TJP2: variants seen among roughly 807,000 people sequenced by gnomAD.
The protein encoded by TJP2 is Friedreich ataxia region gene X104 (tight junction protein ZO-2).
TJP2 carries 91 observed loss-of-function variants against 133.1 expected under a neutral mutation model. The observed-to-expected ratio is 0.68, with a 90% CI of 0.58 to 0.81. The LOEUF (loss-of-function observed/expected upper bound fraction) is 0.81, where lower values mean the gene tolerates loss of function less well. Among genes scored for constraint, TJP2 ranks in the 40% least tolerant of loss-of-function variants. TJP2 has a pLI of 0.00. For missense variants in TJP2, 1,541 were observed against 1,565.6 expected (o/e 0.98, Z 0.26); for synonymous variants, 592 against 583.4 (o/e 1.01, Z -0.21).
chr9:69,136,096 A>T (rs75773321), intron 1 of TJP2, among the ~76,000 whole-genome samples: 5 of 152,240 alleles, frequency 3.3e-5, no homozygotes, highest in Non-Finnish European at 2.9e-5. Flanking sequence ...CTTGATGTCA[A>T]TTCAAATTTG....
At chr9:69,130,771 C>T (rs7029627) in intron 1 of TJP2, among the ~76,000 whole-genome samples, 69,361 of 151,724 alleles carry the variant, frequency 0.46, 15,996 homozygotes, top group East Asian at 0.61. Flanking sequence ...GGGGTGGCTG[C>T]GAGGAAGAAC....
chr9:69,182,750 C>G (rs1452186748), intron 1 of TJP2, among the ~76,000 whole-genome samples: 1 of 150,846 alleles, frequency 6.6e-6, no homozygotes, highest in Non-Finnish European at 1.5e-5. Flanking sequence ...TATACATATA[C>G]ACACACACAA....
intron 4 of TJP2, among the ~76,000 whole-genome samples, chr9:69,219,072 C>G (rs1045351071): frequency 6.6e-6 from 1 of 151,650 alleles, no homozygotes; most frequent in African/African-American, 2.4e-5. Context: ...TGGGTTCAAG[C>G]GATTCTCCTG....
At chr9:69,220,238 T>C (rs1828712776) in intron 4 of TJP2, among the ~76,000 whole-genome samples, 1 of 152,234 alleles carries the variant, frequency 6.6e-6, no homozygotes, top group South Asian at 2.1e-4. Context: ...TATGTGTGAT[T>C]AATTTAATAC....
intron 3 of TJP2, among the ~76,000 whole-genome samples, chr9:69,218,006 G>C (rs1256584805): frequency 6.6e-6 from 1 of 152,120 alleles, no homozygotes; most frequent in Non-Finnish European, 1.5e-5. Context: ...GTGATGCTGT[G>C]GTTTGGGGAG....
rs199605381 is a variant in TJP2 at position 69,236,977 on chromosome 9, G to A, written c.2020G>A (p.Ala674Thr). The A allele has an allele frequency of 6.2e-7, 1 of 1,614,190 alleles. No homozygotes were observed. Among genetic ancestry groups the A allele is most frequent in the African/African-American group, 1.3e-5 (1 of 75,058 alleles). The change falls in exon 14 of 23, where the codon GCC (alanine) becomes ACC (threonine). Residue 674 changes from alanine to threonine, a missense_variant. Physicochemically the swap from Ala to Thr is moderately conservative, Grantham distance 58 (BLOSUM62 0). Coordinates refer to ENST00000377245, the MANE Select transcript of TJP2 (RefSeq NM_004817.4). ...TGAACAAATGGCCAGTGTTCAAAAT[G>A]CCCAGAGAGACAACGCTGGGGACCG... Reference protein sequence around the residue: ...RAEQMASVQNAQRDNAGDRAD... With the variant: ...RAEQMASVQNTQRDNAGDRAD...
chr9:69,166,153 C>T (rs1455344860), intron 2 of TJP2, among the ~76,000 whole-genome samples: 1 of 152,152 alleles, frequency 6.6e-6, no homozygotes, highest in East Asian at 1.9e-4. Flanking sequence ...TGCTCTGGCA[C>T]CCAGGCTGGA....
At chr9:69,200,220 G>A (rs1826887331) in intron 1 of TJP2, among the ~76,000 whole-genome samples, 1 of 151,696 alleles carries the variant, frequency 6.6e-6, no homozygotes, top group Non-Finnish European at 1.5e-5. Flanking sequence ...TGAACGGGCT[G>A]TTCCCTCTAT....
In TJP2 at chr9:69,154,334, C is replaced by T. The variant is rs374887688; in HGVS notation, c.-10+2563C>T. On this transcript the variant is annotated intron_variant, in intron 2 of 5. Coordinates refer to the TJP2 transcript ENST00000423935. Reference sequence around the variant, plus strand: ...GTTGTGATCGATTGGCAATGTCCGGCGTGGGTGGAGCAGGTGTCTGCCAAA... The same window carrying T: ...GTTGTGATCGATTGGCAATGTCCGGTGTGGGTGGAGCAGGTGTCTGCCAAA... Among the ~76,000 whole-genome samples, 51 of 152,226 alleles carry T rather than the reference C, an allele frequency of 3.4e-4. No individual in the cohort carries two copies. The East Asian group carries it at 8.5e-3, about 25-fold the overall frequency.
At chr9:69,151,050 C>T (rs1301874141) in intron 1 of TJP2, among the ~76,000 whole-genome samples, 1 of 152,104 alleles carries the variant, frequency 6.6e-6, no homozygotes, top group East Asian at 1.9e-4. Context: ...ATGAAATATC[C>T]AGAATAGATA....
intron 2 of TJP2, among the ~76,000 whole-genome samples, chr9:69,155,044 C>T (rs145240015): frequency 2.4e-4 from 37 of 151,516 alleles, no homozygotes; most frequent in African/African-American, 8.2e-4. Context: ...ATGGTGAAAC[C>T]TCATCTCTAC....
intron 1 of TJP2, chr9:69,145,640 T>G: frequency 1.0e-6 from 1 of 977,572 alleles, no homozygotes; most frequent in South Asian, 5.3e-5. Context: ...CATTAAAGAT[T>G]AGTTCAGTTG....
At chr9:69,121,796 G>A (rs1478996481) in intron 1 of TJP2, 1 of 152,404 alleles carries the variant, frequency 6.6e-6, no homozygotes, top group Non-Finnish European at 1.5e-5. Context: ...GAGCCGCCGA[G>A]GCGCGGCAGC....
At chr9:69,249,285 T>G (rs1174705514) in intron 19 of TJP2, 90 bp from the exon 20 acceptor site, 2 of 1,543,692 alleles carry the variant, frequency 1.3e-6, no homozygotes, top group Non-Finnish European at 8.8e-7. Context: ...CTGGACTTAC[T>G]CAAGTTTGCA....
intron 1 of TJP2, among the ~76,000 whole-genome samples, chr9:69,191,823 A>G (rs1031415387): frequency 4.6e-5 from 7 of 151,274 alleles, no homozygotes; most frequent in African/African-American, 1.7e-4. Flanking sequence ...TGCAACCTCC[A>G]CCTCCCAGGT....
At chr9:69,191,741 A>AAAT (rs1564420469) in intron 1 of TJP2, among the ~76,000 whole-genome samples, 8 of 149,982 alleles carry the variant, frequency 5.3e-5, no homozygotes, top group Non-Finnish European at 1.2e-4. Flanking sequence ...CATTTTTAAA[A>AAAT]TTTTTTTTTT....
intron 18 of TJP2, among the ~76,000 whole-genome samples, chr9:69,247,228 G>T (rs1002663080): frequency 2.6e-5 from 4 of 152,226 alleles, no homozygotes; most frequent in African/African-American, 9.6e-5. Context: ...TTGAGAATGT[G>T]CCATCGTTCT....
intron 1 of TJP2, among the ~76,000 whole-genome samples, chr9:69,193,154 G>C (rs1344425661): frequency 1.3e-5 from 2 of 152,034 alleles, no homozygotes; most frequent in African/African-American, 4.8e-5. Context: ...GAGCTCAGAC[G>C]ATTCACCCAC....
intron 2 of TJP2, among the ~76,000 whole-genome samples, chr9:69,212,956 ATAT>A (rs554244712): frequency 6.7e-4 from 101 of 150,386 alleles, no homozygotes; most frequent in Non-Finnish European, 1.2e-3. Flanking sequence ...TAATTATGAC[ATAT>A]TATACATACC....
Sources: allele counts gnomAD v4.1 joint callset (sites outside exome capture counted in the v4.1 genomes callset), GRCh38; gene constraint gnomAD v4.1.1; transcripts MANE v1.5; gene names NCBI Gene and HGNC (gene_info 2026-07-23, HGNC 2026-07-21).